The following NALCN variants were observed in gnomAD, a reference collection of about 807,000 sequenced individuals.
NALCN encodes sodium leak channel, non-selective.
NALCN carries 111 observed loss-of-function variants against 225.3 expected under a neutral mutation model. The ratio of observed to expected loss-of-function variants is 0.49; its 90% CI spans 0.42 to 0.58. NALCN has a LOEUF of 0.58. NALCN is among the 20% of genes least tolerant of loss of function. NALCN has a pLI of 0.00. For missense variants in NALCN, 1,378 were observed against 2,202.4 expected (o/e 0.63, Z 7.49); for synonymous variants, 764 against 769.0 (o/e 0.99, Z 0.11).
chr13:101,362,651 T>C (rs1451352687), intron 6 of NALCN, among the ~76,000 whole-genome samples: 1 of 151,802 alleles, frequency 6.6e-6, no homozygotes, highest in Non-Finnish European at 1.5e-5. Context: ...GGCGGAAAAA[T>C]TGAAAGCCTT....
chr13:101,203,576 T>C (rs745485390), intron 13 of NALCN, among the ~76,000 whole-genome samples: 1 of 152,246 alleles, frequency 6.6e-6, no homozygotes, highest in Non-Finnish European at 1.5e-5. Flanking sequence ...TGTGATTCCA[T>C]TTTTATAAAG....
chr13:101,148,558 C>G (rs549499979), intron 15 of NALCN, among the ~76,000 whole-genome samples: 1 of 152,190 alleles, frequency 6.6e-6, no homozygotes, highest in African/African-American at 2.4e-5. Context: ...ACCCCCTACT[C>G]GTACTGTCGT....
chr13:101,382,290 T>C lies in NALCN; in HGVS notation c.292-3637A>G, dbSNP rs2046871336. 2.6e-5 allele frequency among the ~76,000 whole-genome samples: 3 copies of C among 115,718 alleles called. No homozygotes were observed. In the South Asian group the frequency reaches 9.5e-4, roughly 37 times the overall value. The allele number at this position is 115,718 out of a possible 152,430, so 75.9% of individuals were successfully genotyped here. On this transcript the variant is annotated intron_variant, in intron 3 of 43. Transcript: ENST00000251127. ...GGATAAACAGTGATACTTCCCTTTG[T>C]GTTATGGGGAGGGGGGCGGGCAAGT... is the stretch of plus-strand genomic sequence containing the variant.
chr13:101,294,957 A>T (rs944277205), intron 7 of NALCN, among the ~76,000 whole-genome samples: 1 of 152,140 alleles, frequency 6.6e-6, no homozygotes, highest in Non-Finnish European at 1.5e-5. Context: ...AAGCTAGACA[A>T]CCGGTTACAA....
intron 7 of NALCN, among the ~76,000 whole-genome samples, chr13:101,296,315 T>C (rs1168354965): frequency 2.0e-5 from 3 of 152,240 alleles, no homozygotes. Flanking sequence ...TAGGAAAGCA[T>C]TTCTCAAATA....
chr13:101,283,936 G>A lies in NALCN; in HGVS notation c.1131C>T (p.Leu377=). ...TAAAAATGTCATTGTACTGCACCTGGAGGCAGGCTGGGGCGCGTCCCTGGG... is the reference window on the plus strand; with the variant it reads ...TAAAAATGTCATTGTACTGCACCTGAAGGCAGGCTGGGGCGCGTCCCTGGG... ...NKPQGRAPAC[L]QKMMRSSVFH... The change falls in exon 10 of 44, where the codon CTC becomes CTT. Residue 377 remains leucine, a synonymous_variant. Transcript: ENST00000251127. 1 of 1,610,940 alleles carries A rather than the reference G, an allele frequency of 6.2e-7. No homozygotes were observed. The highest frequency in any genetic ancestry group is 8.5e-7 in the Non-Finnish European group (1 of 1,179,082).
intron 6 of NALCN, among the ~76,000 whole-genome samples, chr13:101,365,740 A>G (rs2046361924): frequency 6.6e-6 from 1 of 152,148 alleles, no homozygotes; most frequent in South Asian, 2.1e-4. Context: ...TTGAAACAGT[A>G]GGGATAAGCC....
At chr13:101,267,005 G>C (rs1260256035) in intron 10 of NALCN, among the ~76,000 whole-genome samples, 1 of 152,186 alleles carries the variant, frequency 6.6e-6, no homozygotes, top group Non-Finnish European at 1.5e-5. Flanking sequence ...CGTCCTTAGA[G>C]AGTCAGGACA....
At chr13:101,074,030 T>C (rs2033088343) in intron 36 of NALCN, among the ~76,000 whole-genome samples, 1 of 152,110 alleles carries the variant, frequency 6.6e-6, no homozygotes, top group Admixed American at 6.5e-5. Flanking sequence ...TATACTTTGT[T>C]GTATCAGGAC....
chr13:101,294,732 T>A (rs1412637292), intron 7 of NALCN, among the ~76,000 whole-genome samples: 1 of 152,026 alleles, frequency 6.6e-6, no homozygotes, highest in Non-Finnish European at 1.5e-5. Flanking sequence ...AGTGAGATGG[T>A]CACATGGGGA....
At position 101,261,322 on chromosome 13, in the gene NALCN, T is replaced by C. The variant is rs145201586; in HGVS notation, c.1135-2748A>G. Among the ~76,000 whole-genome samples the C allele has an allele frequency of 7.4e-3, 1,125 of 152,262 alleles. 10 individuals are homozygous for C. Among genetic ancestry groups the C allele is most frequent in the South Asian group, 0.027 (132 of 4,830 alleles). ...GATTCCCCCAGCTTTGTTCAATTTG[T>C]TTAGGATAGATTTGGCTCTTCTGTG... On this transcript the variant is annotated intron_variant, in intron 10 of 43. Transcript: ENST00000251127.
At position 101,107,482 on chromosome 13, in the gene NALCN, C is replaced by T. The variant is rs2035187622; in HGVS notation, c.2579+5G>A. 1.2e-6 allele frequency: 2 copies of T among 1,613,894 alleles called. No individual in the cohort carries two copies. Among genetic ancestry groups the T allele is most frequent in the Non-Finnish European group, 1.7e-6 (2 of 1,179,932 alleles). Reference sequence around the variant, plus strand: ...AAACACCTGGCTGAAATGAAGTGTACTTACGCGTTGAAGCGTGCTCGGACC... The same window carrying T: ...AAACACCTGGCTGAAATGAAGTGTATTTACGCGTTGAAGCGTGCTCGGACC... On this transcript the variant is annotated splice_donor_5th_base_variant and intron_variant, in intron 22 of 43. Transcript: ENST00000251127.
intron 12 of NALCN, among the ~76,000 whole-genome samples, chr13:101,233,030 C>G (rs564040188): frequency 6.6e-6 from 1 of 151,918 alleles, no homozygotes. Flanking sequence ...AGGGTTAAAC[C>G]TGCATTCCTA....
intron 12 of NALCN, among the ~76,000 whole-genome samples, chr13:101,234,083 T>G (rs1267932527): frequency 7.2e-5 from 11 of 152,208 alleles, no homozygotes; most frequent in Non-Finnish European, 1.2e-4. Flanking sequence ...CAGAGAGGGC[T>G]TCTATGAACA....
intron 36 of NALCN, among the ~76,000 whole-genome samples, chr13:101,074,024 C>T (rs993234828): frequency 6.6e-6 from 1 of 151,934 alleles, no homozygotes; most frequent in African/African-American, 2.4e-5. Flanking sequence ...TCGGTATATA[C>T]TTTGTTGTAT....
In NALCN at chr13:101,124,508, T is replaced by C. The variant is rs532375353; in HGVS notation, c.2192+100A>G. On this transcript the variant is annotated intron_variant, in intron 18 of 43. Coordinates refer to ENST00000251127, the MANE Select transcript of NALCN (RefSeq NM_052867.4). ...AAGCTACTTTCTGGCAGAAAGTATA[T>C]GCTGATGCCCAGAACATTAATTCAT... 2.7e-4 allele frequency: 276 copies of C among 1,007,478 alleles called. 1 individual carries two copies. The East Asian group carries it at 6.5e-3, about 24-fold the overall frequency. The allele number at this position is 1,007,478 out of a possible 1,614,324, so 62.4% of individuals were successfully genotyped here.
At chr13:101,350,048 C>T (rs1042004211) in intron 6 of NALCN, among the ~76,000 whole-genome samples, 1 of 152,066 alleles carries the variant, frequency 6.6e-6, no homozygotes, top group African/African-American at 2.4e-5. Context: ...GAGCTAATTC[C>T]ATTCTCTCCA....
intron 18 of NALCN, among the ~76,000 whole-genome samples, chr13:101,112,459 A>G (rs372813428): frequency 6.6e-6 from 1 of 152,236 alleles, no homozygotes; most frequent in Non-Finnish European, 1.5e-5. Flanking sequence ...CCAACTGGGA[A>G]TGACAGGAAT....
chr13:101,256,689 G>C (rs2042240119), intron 11 of NALCN, among the ~76,000 whole-genome samples: 1 of 151,786 alleles, frequency 6.6e-6, no homozygotes, highest in Non-Finnish European at 1.5e-5. Flanking sequence ...ATAACTTGAT[G>C]AGGCTTCCTT....
Sources: allele counts gnomAD v4.1 joint callset (sites outside exome capture counted in the v4.1 genomes callset), GRCh38; gene constraint gnomAD v4.1.1; transcripts MANE v1.5; gene names NCBI Gene and HGNC (gene_info 2026-07-23, HGNC 2026-07-21).